Variants in ZNHIT6 observed in about 807,000 individuals in gnomAD.
ZNHIT6 encodes box C/D snoRNA protein 1.
Under a neutral mutation model 57.2 loss-of-function variants are expected in ZNHIT6, and 45 were observed. The observed-to-expected ratio is 0.79, with a 90% confidence interval of 0.62 to 1.01. The LOEUF (loss-of-function observed/expected upper bound fraction) is 1.01, where lower values mean the gene tolerates loss of function less well. Ranked by LOEUF, ZNHIT6 falls within the 50% of genes least tolerant of loss-of-function variation. ZNHIT6 has a pLI of 0.00. For synonymous variants in ZNHIT6, 188 were observed against 190.0 expected, an observed-to-expected ratio of 0.99 and a Z score of 0.09; for missense variants, 528 against 567.3, an observed-to-expected ratio of 0.93 and a Z score of 0.70.
intron 5 of ZNHIT6, among the ~76,000 whole-genome samples, chr1:85,685,148 G>A (rs911103621): frequency 6.6e-6 from 1 of 152,008 alleles, no homozygotes. Flanking sequence ...ATTTGTAATT[G>A]AAAAACTGTA....
chr1:85,682,844 C>T (rs1172000911), intron 5 of ZNHIT6, among the ~76,000 whole-genome samples: 1 of 152,122 alleles, frequency 6.6e-6, no homozygotes. Context: ...AAATAAAGGG[C>T]TATTGATAAC....
At chr1:85,659,499 G>C (rs1449637753) in intron 8 of ZNHIT6, among the ~76,000 whole-genome samples, 1 of 152,188 alleles carries the variant, frequency 6.6e-6, no homozygotes, top group African/African-American at 2.4e-5. Context: ...CCTAATGGCT[G>C]TAACTCCATC....
intron 6 of ZNHIT6, among the ~76,000 whole-genome samples, chr1:85,679,588 TTTG>T (rs72120592): frequency 0.055 from 8,205 of 150,022 alleles, 216 homozygotes; most frequent in African/African-American, 0.098. Flanking sequence ...TTTTAATTTT[TTTG>T]TTGTTGTTGT....
chr1:85,696,082 C>T (rs562286916), intron 5 of ZNHIT6, among the ~76,000 whole-genome samples: 3 of 152,150 alleles, frequency 2.0e-5, no homozygotes, highest in Non-Finnish European at 4.4e-5. Context: ...TTTTTCTTAT[C>T]TAACAGACAC....
At chr1:85,672,556 C>T (rs1323313963) in intron 8 of ZNHIT6, among the ~76,000 whole-genome samples, 1 of 152,076 alleles carries the variant, frequency 6.6e-6, no homozygotes, top group Non-Finnish European at 1.5e-5. Context: ...ACATCACTTC[C>T]ACAACAAAGC....
chr1:85,693,935 A>G (rs532556482), intron 5 of ZNHIT6, among the ~76,000 whole-genome samples: 1 of 152,328 alleles, frequency 6.6e-6, no homozygotes, highest in African/African-American at 2.4e-5. Context: ...CCTGGGCAAC[A>G]CAGCAAGATG....
intron 7 of ZNHIT6, 67 bp from the exon 8 acceptor site, chr1:85,677,380 G>T: frequency 7.6e-7 from 1 of 1,317,554 alleles, no homozygotes; most frequent in Non-Finnish European, 1.1e-6. Flanking sequence ...GTCTTATGGA[G>T]ACTAAGCATT....
rs146289461 is a variant in ZNHIT6 at position 85,680,845 on chromosome 1, A to G, written c.1079T>C (p.Ile360Thr). 1.1e-5 allele frequency: 18 copies of G among 1,610,752 alleles called. No individual in the cohort carries two copies. The highest frequency in any genetic ancestry group is 1.7e-5 in the Admixed American group (1 of 59,614). The change falls in exon 6 of 10, where the codon ATA becomes ACA. Residue 360 changes from isoleucine to threonine, a missense_variant. Transcript: ENST00000370574. ...AAGATAGCAGTGATACCTTTTTTCT[A>G]TGTACTCAGCTTGACTTTGAGGAAA... ...LQFPQSQAEY[I>T]EKRVPDDKTI...
intron 8 of ZNHIT6, among the ~76,000 whole-genome samples, chr1:85,658,375 C>T (rs1448790165): frequency 2.0e-5 from 3 of 151,924 alleles, no homozygotes; most frequent in African/African-American, 7.2e-5. Flanking sequence ...ACTATAGGTG[C>T]GTGCCACCAT....
At chr1:85,666,031 T>C (rs1381468770) in intron 8 of ZNHIT6, among the ~76,000 whole-genome samples, 8 of 152,216 alleles carry the variant, frequency 5.3e-5, no homozygotes. Context: ...ACTGTGTGCT[T>C]GTTCATTCAT....
chr1:85,708,300 G>T lies in ZNHIT6; in HGVS notation c.-16C>A. Reference sequence around the variant, plus strand: ...CAAACTCCATCAACTCACGATCCTTGGCCTCTGCTGCCACTCTATCCTTCA... The same window carrying T: ...CAAACTCCATCAACTCACGATCCTTTGCCTCTGCTGCCACTCTATCCTTCA... On this transcript the variant is annotated 5_prime_UTR_variant, in exon 1 of 10. Transcript: ENST00000370574. The T allele has an allele frequency of 1.3e-6, 2 of 1,578,744 alleles. No individual in the cohort carries two copies. The highest frequency in any genetic ancestry group is 1.7e-6 in the Non-Finnish European group (2 of 1,161,458).
In ZNHIT6 at chr1:85,654,101, A is replaced by G; in HGVS notation, c.1373-3T>C. ...GTTCTTGGTAGATTCACTCTTCACTAGAAAAAAATAAGTAAACATACAGTC... is the reference window on the plus strand; with the variant it reads ...GTTCTTGGTAGATTCACTCTTCACTGGAAAAAAATAAGTAAACATACAGTC... On this transcript the variant is annotated splice_region_variant and splice_polypyrimidine_tract_variant and intron_variant, in intron 9 of 9. Coordinates refer to ENST00000370574, the MANE Select transcript of ZNHIT6 (RefSeq NM_017953.4). The G allele has an allele frequency of 1.2e-6, 2 of 1,610,958 alleles. No individual in the cohort carries two copies. The highest frequency in any genetic ancestry group is 1.7e-6 in the Non-Finnish European group (2 of 1,178,772).
Position 85,654,122 on chromosome 1 carries a change from C to G in ZNHIT6, c.1373-24G>C, listed in dbSNP as rs201517214. 3.1e-6 allele frequency: 5 copies of G among 1,602,514 alleles called. No homozygotes were observed. In the South Asian group the frequency reaches 5.6e-5, roughly 18 times the overall value. ...CACTAGAAAAAAATAAGTAAACATA[C>G]AGTCAAGTGTTTATATTTTTCTGTT... On this transcript the variant is annotated intron_variant, in intron 9 of 9. Coordinates refer to ENST00000370574, the MANE Select transcript of ZNHIT6 (RefSeq NM_017953.4).
In ZNHIT6 at chr1:85,653,957, C is replaced by T; in HGVS notation, c.*101G>A. 1.2e-6 allele frequency: 1 copy of T among 861,218 alleles called. No homozygotes were observed. The highest frequency in any genetic ancestry group is 1.8e-6 in the Non-Finnish European group (1 of 546,460). 53.3% of individuals were successfully genotyped at this position (861,218 alleles called of 1,614,324 possible). On this transcript the variant is annotated 3_prime_UTR_variant, in exon 10 of 10. Coordinates refer to ENST00000370574, the MANE Select transcript of ZNHIT6 (RefSeq NM_017953.4). ...TATTTTTCATACAAAGAAAAAATTC[C>T]AATCACCCATTGACAATACCCCAAT...
At chr1:85,704,889 C>A (rs896443462) in intron 4 of ZNHIT6, among the ~76,000 whole-genome samples, 1 of 152,112 alleles carries the variant, frequency 6.6e-6, no homozygotes, top group African/African-American at 2.4e-5. Flanking sequence ...AATATGTAAG[C>A]TTTAATTTTG....
chr1:85,686,254 C>T (rs1442046422), intron 5 of ZNHIT6, among the ~76,000 whole-genome samples: 3 of 152,166 alleles, frequency 2.0e-5, no homozygotes, highest in Admixed American at 6.5e-5. Flanking sequence ...AGCCACCGCA[C>T]CCACCCTTAA....
intron 5 of ZNHIT6, among the ~76,000 whole-genome samples, chr1:85,684,855 T>A (rs920135283): frequency 2.0e-5 from 3 of 152,228 alleles, no homozygotes; most frequent in African/African-American, 7.2e-5. Flanking sequence ...AATTTTCGTA[T>A]GGGGAATACT....
Position 85,697,429 on chromosome 1 carries a change from T to C in ZNHIT6, c.1019+4728A>G, listed in dbSNP as rs952306630. Among the ~76,000 whole-genome samples, 3 of 152,222 alleles carry C rather than the reference T, an allele frequency of 2.0e-5. No individual in the cohort carries two copies. The South Asian group carries it at 6.2e-4, about 31-fold the overall frequency. On this transcript the variant is annotated intron_variant, in intron 5 of 9. Transcript: ENST00000370574. ...AGATTTTGATCCACCTGGATGTTAT[T>C]TAGTAAAAGATTCAGCATTTCCTCT...
chr1:85,669,259 C>G (rs1280519261), intron 8 of ZNHIT6, among the ~76,000 whole-genome samples: 1 of 152,040 alleles, frequency 6.6e-6, no homozygotes, highest in Non-Finnish European at 1.5e-5. Context: ...GTGGGGCTCA[C>G]CTGAGGCCTT....
Sources: allele counts gnomAD v4.1 joint callset (sites outside exome capture counted in the v4.1 genomes callset), GRCh38; gene constraint gnomAD v4.1.1; transcripts MANE v1.5; gene names NCBI Gene and HGNC (gene_info 2026-07-23, HGNC 2026-07-21).